The following PGBD2 variants were observed in gnomAD, a reference collection of about 807,000 sequenced individuals.
PGBD2 encodes the protein piggyBac transposable element derived 2, also known as piggyBac transposable element-derived protein 2.
PGBD2 carries 6 observed loss-of-function variants against 8.1 expected under a neutral mutation model. The ratio of observed to expected loss-of-function variants is 0.74; its 90% CI spans 0.40 to 1.46. PGBD2 has a LOEUF of 1.46. PGBD2 is among the 40% of genes most tolerant of loss of function. The probability of loss-of-function intolerance (pLI) is 0.02; values close to 1 mark genes in which losing one functional copy is unlikely to be tolerated. For synonymous variants in PGBD2, 318 were observed against 272.2 expected (o/e 1.17, Z -1.66); for missense variants, 802 against 739.0 (o/e 1.09, Z -0.99).
chr1:248,903,979 A>C (rs547071802), upstream of PGBD2, among the ~76,000 whole-genome samples: 4 of 152,222 alleles, frequency 2.6e-5, no homozygotes, highest in African/African-American at 2.4e-5. Context: ...CACCCCATAC[A>C]TACACACAAA....
At chr1:248,923,763 T>C (rs1255520160), downstream of PGBD2, among the ~76,000 whole-genome samples, 1 of 152,184 alleles carries the variant, frequency 6.6e-6, no homozygotes, top group Non-Finnish European at 1.5e-5. Context: ...GGACTTTGCA[T>C]AGGGCACGGA....
At chr1:248,899,844 C>T in the PGBD2 span, among the ~76,000 whole-genome samples, 2 of 145,428 alleles carry the variant, frequency 1.4e-5, no homozygotes, top group African/African-American at 2.5e-5. Context: ...TACACTAATA[C>T]AGAAAAGAAG....
the PGBD2 span, among the ~76,000 whole-genome samples, chr1:248,893,958 G>A: frequency 6.6e-6 from 1 of 152,148 alleles, no homozygotes; most frequent in East Asian, 1.9e-4. Flanking sequence ...GGTATGAGAT[G>A]ATATTTCACT....
intron 1 of PGBD2, among the ~76,000 whole-genome samples, chr1:248,911,238 G>A (rs1405730311): frequency 6.6e-6 from 1 of 151,282 alleles, no homozygotes; most frequent in African/African-American, 2.4e-5. Context: ...AAGGGTCTCT[G>A]GTTTTCCTAG....
chr1:248,919,113 T>A lies in PGBD2; in HGVS notation c.*750T>A, dbSNP rs1000519278. ...ACAATCCAATTATACTGTTAGTTAT[T>A]TTAAAATGTGCAATTAAATTATTTT... On this transcript the variant is annotated 3_prime_UTR_variant, in exon 3 of 3. Transcript: ENST00000329291. The A allele has an allele frequency of 6.0e-6, 1 of 167,068 alleles. No homozygotes were observed. Among genetic ancestry groups the A allele is most frequent in the African/African-American group, 2.4e-5 (1 of 41,450 alleles). The allele number at this position is 167,068 out of a possible 1,614,324, so 10.3% of individuals were successfully genotyped here. A position where few individuals can be genotyped will look rare whatever the true frequency, so the allele number is the denominator to read the frequency against.
At chr1:248,884,009 T>C in the PGBD2 span, among the ~76,000 whole-genome samples, 48 of 152,324 alleles carry the variant, frequency 3.2e-4, no homozygotes, top group African/African-American at 1.1e-3. Context: ...TTGCTAAGGC[T>C]GATATCCAGA....
the PGBD2 span, among the ~76,000 whole-genome samples, chr1:248,892,158 T>A: frequency 1.3e-5 from 2 of 152,110 alleles, no homozygotes; most frequent in Non-Finnish European, 2.9e-5. Flanking sequence ...ATGGGGAAGT[T>A]TAACAGACTT....
In PGBD2 at chr1:248,916,996, G is replaced by C; in HGVS notation, c.412G>C (p.Glu138Gln). 1 of 1,613,366 alleles carries C rather than the reference G, an allele frequency of 6.2e-7. No homozygotes were observed. The change falls in exon 3 of 3, where the codon GAG becomes CAG. Residue 138 changes from glutamate (E) to glutamine (Q), a missense_variant. Glu to Gln is a conservative substitution (Grantham distance 29). Transcript: ENST00000329291. ...TCATATTGAGGATCTGAAAAGCCAA[G>C]AGCTGAGTCCCGTGGGCCTTTTTGA... is the stretch of plus-strand genomic sequence containing the variant. ...DPHIEDLKSQ[E>Q]LSPVGLFELF...
the PGBD2 span, among the ~76,000 whole-genome samples, chr1:248,873,913 C>G: frequency 4.6e-5 from 7 of 152,236 alleles, no homozygotes; most frequent in Admixed American, 3.9e-4. Context: ...TGCCTGCGGG[C>G]TTTCTGGTCT....
intron 2 of PGBD2, chr1:248,914,666 G>C: frequency 5.1e-6 from 6 of 1,166,520 alleles, no homozygotes; most frequent in Non-Finnish European, 6.8e-6. Flanking sequence ...AAGCTGCAGG[G>C]ACCTCTGTGC....
chr1:248,921,531 A>G (rs867277756), downstream of PGBD2, among the ~76,000 whole-genome samples: 3 of 152,186 alleles, frequency 2.0e-5, no homozygotes, highest in African/African-American at 7.2e-5. Flanking sequence ...TGTTTTGCTT[A>G]CTGTAGCCTT....
intron 1 of PGBD2, among the ~76,000 whole-genome samples, chr1:248,908,963 C>T (rs950873658): frequency 1.3e-5 from 2 of 152,134 alleles, no homozygotes; most frequent in Non-Finnish European, 2.9e-5. Flanking sequence ...TTCCGTTTTA[C>T]GGGTTTTGAT....
At chr1:248,929,010 C>T in the PGBD2 span, among the ~76,000 whole-genome samples, 1 of 152,310 alleles carries the variant, frequency 6.6e-6, no homozygotes, top group Non-Finnish European at 1.5e-5. Flanking sequence ...TTTGTGAGAT[C>T]TCCTTCAAAT....
chr1:248,883,099 T>C, the PGBD2 span, among the ~76,000 whole-genome samples: 1 of 152,296 alleles, frequency 6.6e-6, no homozygotes, highest in East Asian at 1.9e-4. Flanking sequence ...GTTTCTAGTT[T>C]TTAAAGAATT....
intron 1 of PGBD2, among the ~76,000 whole-genome samples, chr1:248,911,388 A>C (rs1661865674): frequency 6.7e-6 from 1 of 149,994 alleles, no homozygotes; most frequent in South Asian, 2.1e-4. Context: ...AATCCATTCA[A>C]CCCTGAGTGG....
chr1:248,891,411 T>C, the PGBD2 span, among the ~76,000 whole-genome samples: 22 of 152,254 alleles, frequency 1.4e-4, no homozygotes, highest in Admixed American at 6.5e-5. Context: ...ATATGGGTTA[T>C]ACTTTTTGGG....
chr1:248,900,662 A>G, the PGBD2 span, among the ~76,000 whole-genome samples: 2 of 152,180 alleles, frequency 1.3e-5, no homozygotes, highest in Non-Finnish European at 2.9e-5. Flanking sequence ...GGTGGAAGGA[A>G]TCTTTTTAAA....
At chr1:248,893,434 A>G in the PGBD2 span, among the ~76,000 whole-genome samples, 1 of 152,106 alleles carries the variant, frequency 6.6e-6, no homozygotes, top group East Asian at 1.9e-4. Flanking sequence ...TATATGTTTG[A>G]CTATTTTAAA....
chr1:248,879,669 A>C, the PGBD2 span, among the ~76,000 whole-genome samples: 1 of 152,080 alleles, frequency 6.6e-6, no homozygotes, highest in Non-Finnish European at 1.5e-5. Context: ...TAAAGTGTTG[A>C]GATTACAGGC....
Sources: gnomAD v4.1 joint callset for allele counts (sites outside exome capture counted in the v4.1 genomes callset) on GRCh38, gnomAD v4.1.1 for gene constraint, MANE v1.5 for transcripts, NCBI Gene and HGNC (gene_info 2026-07-23, HGNC 2026-07-21) for gene names.